The following ASIC2 variants were observed in gnomAD, a reference collection of about 807,000 sequenced individuals.
ASIC2 encodes the protein acid sensing ion channel subunit 2.
Under a neutral mutation model 57.3 loss-of-function variants are expected in ASIC2, and 25 were observed. That is an observed-to-expected ratio of 0.44 (90% CI 0.32 to 0.61). The LOEUF is 0.61. Among genes scored for constraint, ASIC2 ranks in the 20% least tolerant of loss-of-function variants. The probability of loss-of-function intolerance (pLI) is 0.06; values close to 1 mark genes in which losing one functional copy is unlikely to be tolerated. For missense variants in ASIC2, 641 were observed against 738.1 expected, an observed-to-expected ratio of 0.87 and a Z score of 1.52; for synonymous variants, 319 against 307.5, an observed-to-expected ratio of 1.04 and a Z score of -0.39.
chr17:33,745,835 G>A (rs1310663277), intron 1 of ASIC2, among the ~76,000 whole-genome samples: 1 of 152,096 alleles, frequency 6.6e-6, no homozygotes, highest in Non-Finnish European at 1.5e-5. Flanking sequence ...AGCCTAGATG[G>A]AAATTTGAAT....
intron 1 of ASIC2, among the ~76,000 whole-genome samples, chr17:33,740,791 G>A (rs1274763588): frequency 6.6e-6 from 1 of 152,198 alleles, no homozygotes; most frequent in Non-Finnish European, 1.5e-5. Flanking sequence ...ATATGCCTTA[G>A]CCACTACTAT....
At chr17:33,269,657 T>TTTTCTAGTTTGTG (rs1904379551) in intron 1 of ASIC2, among the ~76,000 whole-genome samples, 1 of 81,742 alleles carries the variant, frequency 1.2e-5, no homozygotes, top group Non-Finnish European at 2.7e-5. Context: ...CTTCCTTCCT[T>TTTTCTAGTTTGTG]CCTTCCTTCC....
chr17:33,606,581 T>C (rs904138270), intron 1 of ASIC2, among the ~76,000 whole-genome samples: 1 of 152,182 alleles, frequency 6.6e-6, no homozygotes, highest in Non-Finnish European at 1.5e-5. Flanking sequence ...ATTACAGTAT[T>C]AATGTGGTCT....
At chr17:33,683,532 CAGAT>C (rs1225270427) in intron 1 of ASIC2, among the ~76,000 whole-genome samples, 1 of 152,144 alleles carries the variant, frequency 6.6e-6, no homozygotes, top group Admixed American at 6.5e-5. Context: ...CCATCATGCC[CAGAT>C]AGTTTTTTTT....
chr17:33,428,350 G>A (rs1007061101), intron 1 of ASIC2, among the ~76,000 whole-genome samples: 2 of 152,210 alleles, frequency 1.3e-5, no homozygotes, highest in Admixed American at 6.5e-5. Flanking sequence ...TGACTCTAAT[G>A]TGCATCCAGG....
chr17:33,177,187 G>A (rs1597617123), intron 1 of ASIC2, among the ~76,000 whole-genome samples: 1 of 152,286 alleles, frequency 6.6e-6, no homozygotes, highest in East Asian at 1.9e-4. Context: ...TCCTTGCAGA[G>A]GGATCCCCTG....
Position 33,615,833 on chromosome 17 carries a change from G to T in ASIC2, c.556-503766C>A, listed in dbSNP as rs185177897. The stretch of plus-strand genomic sequence containing the variant: ...TCTTGAACTTCACTACTCTCTGGGG[G>T]CATAACCTTGGCCAAGCCACATCCC... On this transcript the variant is annotated intron_variant, in intron 1 of 9. Transcript: ENST00000359872. 8.5e-5 allele frequency among the ~76,000 whole-genome samples: 13 copies of T among 152,296 alleles called. 1 individual carries two copies. In the East Asian group the frequency reaches 2.1e-3, roughly 25 times the overall value.
intron 1 of ASIC2, among the ~76,000 whole-genome samples, chr17:33,166,858 A>G (rs1422343819): frequency 2.6e-5 from 4 of 152,244 alleles, no homozygotes. Context: ...CTTTAGCAAG[A>G]CAATGATTTG....
At chr17:33,985,322 CA>C (rs1370125081) in intron 1 of ASIC2, among the ~76,000 whole-genome samples, 1 of 152,114 alleles carries the variant, frequency 6.6e-6, no homozygotes, top group Non-Finnish European at 1.5e-5. Flanking sequence ...CTTTAGAATC[CA>C]GCATTTCTCA....
intron 1 of ASIC2, among the ~76,000 whole-genome samples, chr17:34,099,795 AAAG>A (rs368192262): frequency 0.071 from 7,210 of 101,390 alleles, 477 homozygotes; most frequent in African/African-American, 0.15. Flanking sequence ...AGAAAGAAAG[AAAG>A]AAAGAAAAGA....
At chr17:33,318,194 C>T (rs909624521) in intron 1 of ASIC2, among the ~76,000 whole-genome samples, 1 of 152,132 alleles carries the variant, frequency 6.6e-6, no homozygotes, top group African/African-American at 2.4e-5. Flanking sequence ...GGCTTGCCCT[C>T]CTCCCCTTCC....
intron 1 of ASIC2, among the ~76,000 whole-genome samples, chr17:33,966,129 A>T (rs1027910560): frequency 1.3e-5 from 2 of 152,230 alleles, no homozygotes; most frequent in African/African-American, 4.8e-5. Flanking sequence ...ATTCTGTAGA[A>T]CAAGGTGTTC....
chr17:34,152,138 G>A (rs576564217), intron 1 of ASIC2, among the ~76,000 whole-genome samples: 3 of 118,370 alleles, frequency 2.5e-5, no homozygotes, highest in Non-Finnish European at 5.6e-5. Flanking sequence ...AATGTTAGGT[G>A]ATGTCAGTTA....
chr17:34,011,018 CAA>C lies in ASIC2; in HGVS notation c.555+144958_555+144959del, dbSNP rs1491196350. 8.7e-3 allele frequency among the ~76,000 whole-genome samples: 34 copies of C among 3,896 alleles called. 3 individuals are homozygous for C. Among genetic ancestry groups the C allele is most frequent in the African/African-American group, 0.015 (16 of 1,050 alleles). 2.6% of individuals were successfully genotyped at this position (3,896 alleles called of 152,430 possible). Reference sequence around the variant, plus strand: ...GTCAGACACACACACACACAGATGCCAAAGTCAGACACATGCACACACACACA... The same window carrying C: ...GTCAGACACACACACACACAGATGCCAGTCAGACACATGCACACACACACA... On this transcript the variant is annotated intron_variant, in intron 1 of 9. Transcript: ENST00000359872.
At chr17:33,236,786 T>G (rs1908310758) in intron 1 of ASIC2, among the ~76,000 whole-genome samples, 1 of 151,990 alleles carries the variant, frequency 6.6e-6, no homozygotes, top group Admixed American at 6.6e-5. Flanking sequence ...ATGGGCCACG[T>G]GTCAATGGAG....
At chr17:33,221,753 T>C (rs79437633) in intron 1 of ASIC2, among the ~76,000 whole-genome samples, 4,245 of 152,320 alleles carry the variant, frequency 0.028, 84 homozygotes, top group East Asian at 0.076. Context: ...AATCGTAAGA[T>C]ACTTTTTTTT....
At chr17:33,184,292 C>T (rs1016551189) in intron 1 of ASIC2, among the ~76,000 whole-genome samples, 1 of 152,166 alleles carries the variant, frequency 6.6e-6, no homozygotes, top group Non-Finnish European at 1.5e-5. Flanking sequence ...TCCTACATAG[C>T]CGCTATAAAA....
At position 33,388,034 on chromosome 17, in the gene ASIC2, T is replaced by C. The variant is rs929796475; in HGVS notation, c.556-275967A>G. Among the ~76,000 whole-genome samples, 10 of 152,060 alleles carry C rather than the reference T, an allele frequency of 6.6e-5. No individual in the cohort carries two copies. The East Asian group carries it at 1.9e-3, about 29-fold the overall frequency. On this transcript the variant is annotated intron_variant, in intron 1 of 9. Coordinates refer to the ASIC2 transcript ENST00000359872. ...GGCAGAGGTTGCAGTGAGCTGAGAT[T>C]GAGCCACTGCACTCCAGCCTGGACA...
In ASIC2 at chr17:33,583,234, A is replaced by G. The variant is rs114129855; in HGVS notation, c.556-471167T>C. Among the ~76,000 whole-genome samples the G allele has an allele frequency of 7.8e-3, 1,192 of 152,344 alleles. 18 individuals are homozygous for G. The highest frequency in any genetic ancestry group is 0.026 in the African/African-American group (1,097 of 41,580). On this transcript the variant is annotated intron_variant, in intron 1 of 9. Transcript: ENST00000359872. ...AACCCATAAACCAGAACTGGATACAATCTATTCTTAATTATACAGGGACAG... is the reference window on the plus strand; with the variant it reads ...AACCCATAAACCAGAACTGGATACAGTCTATTCTTAATTATACAGGGACAG...
Sources: gnomAD v4.1 joint callset for allele counts (sites outside exome capture counted in the v4.1 genomes callset) on GRCh38, gnomAD v4.1.1 for gene constraint, MANE v1.5 for transcripts, NCBI Gene and HGNC (gene_info 2026-07-23, HGNC 2026-07-21) for gene names.